The following INTS6 variants were observed in gnomAD, a reference collection of about 807,000 sequenced individuals.
INTS6 encodes integrator complex subunit 6.
INTS6 carries 16 observed loss-of-function variants against 104.9 expected under a neutral mutation model. The observed-to-expected ratio is 0.15, with a 90% CI of 0.10 to 0.23. The LOEUF is 0.23. INTS6 is among the 10% of genes least tolerant of loss of function. The pLI, the probability that INTS6 is intolerant of heterozygous loss-of-function variation, is 1.00. For synonymous variants in INTS6, 324 were observed against 358.7 expected (o/e 0.90, Z 1.09); for missense variants, 584 against 1,062.8 (o/e 0.55, Z 6.26).
chr13:51,362,206 T>C lies in INTS6; in HGVS notation c.*3546A>G. ...GGAAAAATCATGAAAGTAAAATAAA[T>C]TATAAATCTTGCCCTTTTTTCCCTT... On this transcript the variant is annotated 3_prime_UTR_variant, in exon 18 of 18. Transcript: ENST00000311234. 9.5e-6 allele frequency: 6 copies of C among 634,438 alleles called. No individual in the cohort carries two copies. In the South Asian group the frequency reaches 1.5e-4, roughly 16 times the overall value. 39.3% of individuals were successfully genotyped at this position (634,438 alleles called of 1,614,324 possible). A position where few individuals can be genotyped will look rare whatever the true frequency, so the allele number is the denominator to read the frequency against.
At chr13:51,423,583 C>G (rs2138076286) in intron 4 of INTS6, among the ~76,000 whole-genome samples, 1 of 152,122 alleles carries the variant, frequency 6.6e-6, no homozygotes, top group African/African-American at 2.4e-5. Flanking sequence ...TGACTGCAGT[C>G]AGCACAGAAG....
intron 4 of INTS6, among the ~76,000 whole-genome samples, chr13:51,408,102 A>T (rs1336458787): frequency 6.6e-6 from 1 of 151,810 alleles, no homozygotes; most frequent in Non-Finnish European, 1.5e-5. Context: ...AATTATTCAG[A>T]ATCTACCATA....
intron 3 of INTS6, among the ~76,000 whole-genome samples, chr13:51,435,885 TAAC>T (rs1382952967): frequency 2.0e-5 from 3 of 152,032 alleles, no homozygotes; most frequent in African/African-American, 7.2e-5. Flanking sequence ...AACTGGGTAA[TAAC>T]ATATTACAAA....
chr13:51,393,611 G>A (rs1956284173), intron 5 of INTS6, among the ~76,000 whole-genome samples: 1 of 152,104 alleles, frequency 6.6e-6, no homozygotes, highest in Admixed American at 6.6e-5. Flanking sequence ...GCATGAAAAG[G>A]GGCAAATAAA....
chr13:51,368,662 T>C (rs1242912964), intron 16 of INTS6, among the ~76,000 whole-genome samples: 4 of 152,150 alleles, frequency 2.6e-5, no homozygotes, highest in African/African-American at 7.2e-5. Flanking sequence ...AATTCCATCG[T>C]TGGTCAGAAT....
intron 3 of INTS6, chr13:51,439,576 G>A (rs530377873): frequency 6.6e-6 from 1 of 152,086 alleles, no homozygotes; most frequent in Admixed American, 6.5e-5. Flanking sequence ...CAAATAAAAG[G>A]AATTATATAT....
At chr13:51,442,373 G>A (rs1466541370) in intron 3 of INTS6, 1 of 152,136 alleles carries the variant, frequency 6.6e-6, no homozygotes, top group Non-Finnish European at 1.5e-5. Context: ...CTGACCTCAG[G>A]TGATCCACCC....
At chr13:51,420,846 C>T (rs1285742673) in intron 4 of INTS6, among the ~76,000 whole-genome samples, 1 of 151,744 alleles carries the variant, frequency 6.6e-6, no homozygotes, top group African/African-American at 2.4e-5. Context: ...AAGGCTATTT[C>T]GGTCTAAGAC....
chr13:51,414,943 C>T (rs1956759696), intron 4 of INTS6, among the ~76,000 whole-genome samples: 1 of 151,966 alleles, frequency 6.6e-6, no homozygotes, highest in Non-Finnish European at 1.5e-5. Context: ...CAATCCCAAT[C>T]CCTACTTCTT....
At chr13:51,351,023 CA>C (rs1955397722), downstream of INTS6, among the ~76,000 whole-genome samples, 1 of 152,036 alleles carries the variant, frequency 6.6e-6, no homozygotes, top group African/African-American at 2.4e-5. Flanking sequence ...TGATATAGTA[CA>C]TTTTGTTTAC....
intron 4 of INTS6, among the ~76,000 whole-genome samples, chr13:51,402,153 AC>A (rs1165890125): frequency 7.9e-5 from 12 of 152,176 alleles, no homozygotes; most frequent in Non-Finnish European, 1.3e-4. Context: ...ATGGGCAATA[AC>A]AATAAACAAC....
intron 4 of INTS6, among the ~76,000 whole-genome samples, chr13:51,424,702 G>A (rs571682441): frequency 2.6e-5 from 4 of 151,928 alleles, no homozygotes; most frequent in Admixed American, 6.6e-5. Context: ...CATCTGAATC[G>A]CAAATCAGTA....
intron 7 of INTS6, 49 bp from the exon 8 acceptor site, chr13:51,383,790 A>G (rs1251329129): frequency 2.1e-6 from 3 of 1,463,216 alleles, no homozygotes; most frequent in African/African-American, 2.8e-5. Context: ...TTTCAGAAAC[A>G]AAACTAAATA....
intron 3 of INTS6, among the ~76,000 whole-genome samples, chr13:51,430,657 TTA>T (rs2138101948): frequency 6.6e-6 from 1 of 152,268 alleles, no homozygotes; most frequent in Non-Finnish European, 1.5e-5. Flanking sequence ...GGGAGTATAT[TTA>T]TGTTACTAAG....
At chr13:51,341,257 G>C in the INTS6 span, 3 of 1,614,010 alleles carry the variant, frequency 1.9e-6, no homozygotes, top group Admixed American at 5.0e-5. Flanking sequence ...CTCTCCTGCT[G>C]GTGTGTCCCT....
chr13:51,387,680 G>A (rs981586902), intron 6 of INTS6, 140 bp from the exon 7 acceptor site: 2 of 620,032 alleles, frequency 3.2e-6, no homozygotes, highest in Non-Finnish European at 5.2e-6. Flanking sequence ...TTTCTTAAAT[G>A]GCAGAACACT....
At chr13:51,335,084 T>C in the INTS6 span, among the ~76,000 whole-genome samples, 1,188 of 150,644 alleles carry the variant, frequency 7.9e-3, 14 homozygotes, top group African/African-American at 0.027. Flanking sequence ...GCTCAGAACA[T>C]ACCCATGTGT....
chr13:51,374,089 ACATT>A (rs747572563), intron 15 of INTS6, 115 bp downstream of exon 15: 24 of 703,854 alleles, frequency 3.4e-5, no homozygotes, highest in Non-Finnish European at 5.0e-5. Flanking sequence ...AATTTTCTAT[ACATT>A]CATTCACTCA....
chr13:51,375,351 C>A (rs1479178482), intron 13 of INTS6, among the ~76,000 whole-genome samples: 295 of 120,616 alleles, frequency 2.4e-3, no homozygotes, highest in Middle Eastern at 4.8e-3. Flanking sequence ...GGCTCTGACT[C>A]AAAAAAAAAA....
Sources: gnomAD v4.1 joint callset for allele counts (sites outside exome capture counted in the v4.1 genomes callset) on GRCh38, gnomAD v4.1.1 for gene constraint, MANE v1.5 for transcripts, NCBI Gene and HGNC (gene_info 2026-07-23, HGNC 2026-07-21) for gene names.